PIK3R4: variants seen among roughly 807,000 people sequenced by gnomAD.
PIK3R4 encodes phosphoinositide-3-kinase regulatory subunit 4.
A neutral mutation model predicts 136.5 loss-of-function variants in PIK3R4; 46 were observed. The observed-to-expected ratio is 0.34, with a 90% CI of 0.27 to 0.43. The LOEUF is 0.43. PIK3R4 is among the 20% of genes least tolerant of loss of function. PIK3R4 has a pLI of 1.00. For synonymous variants in PIK3R4, 557 were observed against 566.7 expected, an observed-to-expected ratio of 0.98 and a Z score of 0.24; for missense variants, 1,331 against 1,649.5, an observed-to-expected ratio of 0.81 and a Z score of 3.35.
chr3:130,723,161 C>G (rs1292896249), intron 7 of PIK3R4, among the ~76,000 whole-genome samples: 1 of 142,988 alleles, frequency 7.0e-6, no homozygotes, highest in East Asian at 2.1e-4. Flanking sequence ...AAGGGTAACA[C>G]AGACTTACCA....
At chr3:130,701,963 T>C (rs1167560831) in intron 13 of PIK3R4, among the ~76,000 whole-genome samples, 5 of 151,678 alleles carry the variant, frequency 3.3e-5, no homozygotes, top group Non-Finnish European at 7.4e-5. Context: ...GAGACCCCAT[T>C]TCTCAAGTAA....
intron 2 of PIK3R4, among the ~76,000 whole-genome samples, chr3:130,737,488 T>A (rs1047036798): frequency 1.3e-5 from 2 of 152,086 alleles, no homozygotes; most frequent in African/African-American, 4.8e-5. Flanking sequence ...AGTGAAACCC[T>A]ATCTCTACTG....
intron 15 of PIK3R4, among the ~76,000 whole-genome samples, chr3:130,685,879 A>G (rs2066487051): frequency 6.6e-6 from 1 of 152,182 alleles, no homozygotes; most frequent in Non-Finnish European, 1.5e-5. Context: ...CCAAACTTGG[A>G]TGCTATTTTC....
chr3:130,708,736 T>C (rs1345098220), intron 9 of PIK3R4, among the ~76,000 whole-genome samples: 1 of 152,136 alleles, frequency 6.6e-6, no homozygotes, highest in Non-Finnish European at 1.5e-5. Flanking sequence ...ATATCTTAAC[T>C]TTCTTCCTAA....
intron 2 of PIK3R4, among the ~76,000 whole-genome samples, chr3:130,742,653 C>T (rs563298108): frequency 2.1e-4 from 32 of 152,152 alleles, no homozygotes; most frequent in Admixed American, 5.2e-4. Flanking sequence ...TAACATTATT[C>T]ATTCTGGTAG....
At position 130,718,472 on chromosome 3, in the gene PIK3R4, C is replaced by T; in HGVS notation, c.2044G>A (p.Val682Ile). The change falls in exon 8 of 20, where the codon GTA becomes ATA. Residue 682 changes from valine to isoleucine, a missense_variant. By Grantham distance (29) the Val-to-Ile change is conservative. Around this residue, in one of 2 missense-constraint regions of PIK3R4, gnomAD observed 1,180 missense variants for 1,407.0 expected, o/e 0.84. Coordinates refer to ENST00000356763, the MANE Select transcript of PIK3R4 (RefSeq NM_014602.3). ...TCAGCTGTACTTATTTGACGAGCTA[C>T]CACTGTGATAAATCCCACGGCACCA... The part of the protein sequence containing the change: ...RYGAVGFITV[V>I]ARQISTADVY... 1 of 1,613,630 alleles carries T rather than the reference C, an allele frequency of 6.2e-7. No individual in the cohort carries two copies. Among genetic ancestry groups the T allele is most frequent in the Non-Finnish European group, 8.5e-7 (1 of 1,179,692 alleles).
rs2066842903 is a variant in PIK3R4 at position 130,744,646 on chromosome 3, C to G, written c.573G>C (p.Arg191=). ...CAGGAGCAATATAGCAAGTTCTCCT[C>G]CGTGATGTGTCAAAGAAATAATTGA... is the stretch of plus-strand genomic sequence containing the variant. The part of the protein sequence containing the change: ...ADFNYFFDTS[R]RRTCYIAPER... Residue 191 remains arginine, a synonymous_variant, in exon 2 of 20, where the codon CGG becomes CGC. Coordinates refer to ENST00000356763, the MANE Select transcript of PIK3R4 (RefSeq NM_014602.3). 2 of 1,614,116 alleles carry G rather than the reference C, an allele frequency of 1.2e-6. No individual in the cohort carries two copies. Among genetic ancestry groups the G allele is most frequent in the South Asian group, 2.2e-5 (2 of 91,094 alleles).
chr3:130,718,612 G>A (rs1223876835), intron 7 of PIK3R4, 78 bp from the exon 8 acceptor site: 22 of 1,413,782 alleles, frequency 1.6e-5, no homozygotes, highest in East Asian at 2.4e-5. Context: ...ACCTTATAAC[G>A]TAACTGACAA....
rs187073878 is a variant in PIK3R4 at position 130,718,692 on chromosome 3, C to T, written c.1982-158G>A. On this transcript the variant is annotated intron_variant, in intron 7 of 19. Transcript: ENST00000356763. ...AATTACCCTGAAGCATAAACTCAAT[C>T]AAGTGGACACACTGTTATTATAATA... is the stretch of plus-strand genomic sequence containing the variant. 1.7e-3 allele frequency among the ~76,000 whole-genome samples: 258 copies of T among 152,302 alleles called. 5 individuals are homozygous for T. Among genetic ancestry groups the T allele is most frequent in the Admixed American group, 0.016 (239 of 15,294 alleles).
At chr3:130,701,276 C>T (rs951692149) in intron 13 of PIK3R4, among the ~76,000 whole-genome samples, 10 of 152,134 alleles carry the variant, frequency 6.6e-5, no homozygotes, top group South Asian at 2.1e-4. Context: ...CTTTGGGAGG[C>T]TGAGGCGGGC....
intron 4 of PIK3R4, among the ~76,000 whole-genome samples, chr3:130,732,596 T>C (rs552002000): frequency 4.3e-4 from 65 of 152,118 alleles, no homozygotes; most frequent in Non-Finnish European, 8.4e-4. Flanking sequence ...TGTATGGTTA[T>C]AGAAACCATA....
chr3:130,724,294 T>A lies in PIK3R4; in HGVS notation c.1808-707A>T, dbSNP rs183439063. Among the ~76,000 whole-genome samples, 299 of 152,154 alleles carry A rather than the reference T, an allele frequency of 2.0e-3. 1 individual carries two copies. The highest frequency in any genetic ancestry group is 7.0e-3 in the African/African-American group (291 of 41,532). ...TTGCTCAAGAAAATCACAGTCCAAA[T>A]ATGAAATTAAAATAAATAGTGTATT... On this transcript the variant is annotated intron_variant, in intron 6 of 19. Transcript: ENST00000356763.
chr3:130,738,003 C>T (rs141238256), intron 2 of PIK3R4, among the ~76,000 whole-genome samples: 43 of 152,226 alleles, frequency 2.8e-4, no homozygotes, highest in African/African-American at 9.6e-4. Flanking sequence ...CCCACTAGAA[C>T]GCAATTTACA....
chr3:130,694,911 T>C (rs2066537671), intron 13 of PIK3R4, among the ~76,000 whole-genome samples: 1 of 152,102 alleles, frequency 6.6e-6, no homozygotes, highest in Non-Finnish European at 1.5e-5. Context: ...ATGTTAGCTG[T>C]AGGGTTTTTT....
intron 8 of PIK3R4, among the ~76,000 whole-genome samples, chr3:130,716,970 T>G (rs2107612769): frequency 6.6e-6 from 1 of 152,312 alleles, no homozygotes; most frequent in Non-Finnish European, 1.5e-5. Flanking sequence ...GAAAAGATGC[T>G]CAACAGCCAC....
intron 6 of PIK3R4, among the ~76,000 whole-genome samples, chr3:130,727,866 A>C (rs1306132779): frequency 1.3e-5 from 2 of 152,200 alleles, no homozygotes; most frequent in African/African-American, 4.8e-5. Context: ...ATGTAATATA[A>C]GTCATGCATA....
rs768479597 is a variant in PIK3R4, at chr3:130,723,389, CT to C, written c.1981+24del. On this transcript the variant is annotated intron_variant, in intron 7 of 19. Coordinates refer to ENST00000356763, the MANE Select transcript of PIK3R4 (RefSeq NM_014602.3). ...TTTATAAAGTTCTTCCAATCTCATT[CT>C]AATTTTGAGAAACAGAAACTTACCA... The C allele has an allele frequency of 7.0e-6, 11 of 1,576,636 alleles. No homozygotes were observed. In the South Asian group the frequency reaches 1.3e-4, roughly 19 times the overall value.
chr3:130,703,565 C>G (rs74909067), intron 13 of PIK3R4, among the ~76,000 whole-genome samples, 158 bp downstream of exon 13: 29,957 of 152,098 alleles, frequency 0.2, 3,178 homozygotes, highest in South Asian at 0.35. Flanking sequence ...TTGTCTCTCA[C>G]TTTCCACTAG....
At position 130,733,805 on chromosome 3, in the gene PIK3R4, G is replaced by C; in HGVS notation, c.1193C>G (p.Ala398Gly). 6.2e-7 allele frequency: 1 copy of C among 1,614,010 alleles called. No homozygotes were observed. Among genetic ancestry groups the C allele is most frequent in the Non-Finnish European group, 8.5e-7 (1 of 1,179,874 alleles). ...TLKYCDSKLAALELILHLAPR... is the reference protein window; with the variant it reads ...TLKYCDSKLAGLELILHLAPR... ...AGCCAAATGAAGAATCAGTTCCAAA[G>C]CAGCTAGTTTGGAATCACAGTATTT... The change falls in exon 4 of 20, where the codon GCT (alanine) becomes GGT (glycine). Residue 398 changes from alanine (A) to glycine (G), a missense_variant. Transcript: ENST00000356763.
Sources: gnomAD v4.1 joint callset for allele counts (sites outside exome capture counted in the v4.1 genomes callset) on GRCh38, gnomAD v4.1.1 for gene constraint, gnomAD v4.1.1 regional missense constraint, MANE v1.5 for transcripts, NCBI Gene and HGNC (gene_info 2026-07-23, HGNC 2026-07-21) for gene names.